The following MAP3K15 variants were observed in gnomAD, a reference collection of about 807,000 sequenced individuals.
The protein encoded by MAP3K15 is mitogen-activated protein kinase kinase kinase 15, also known as MAPK/ERK kinase kinase 15.
MAP3K15 carries 124 observed loss-of-function variants against 99.5 expected under a neutral mutation model. The observed-to-expected ratio is 1.25, with a 90% CI of 1.08 to 1.45. The LOEUF is 1.45. Ranked by LOEUF, MAP3K15 falls within the 40% of genes most tolerant of loss-of-function variation. The probability of loss-of-function intolerance (pLI) is 0.00; values close to 1 mark genes in which losing one functional copy is unlikely to be tolerated. For missense variants in MAP3K15, 1,242 were observed against 1,079.7 expected (o/e 1.15, Z -2.11); for synonymous variants, 494 against 439.6 (o/e 1.12, Z -1.55).
intron 21 of MAP3K15, chrX:19,373,271 C>G: frequency 3.2e-6 from 1 of 315,961 alleles, no homozygotes; most frequent in Non-Finnish European, 5.3e-6. Context: ...GGGGAAGTGT[C>G]GAAGGAGAGG....
At chrX:19,488,371 G>C (rs1602347105) in intron 2 of MAP3K15, among the ~76,000 whole-genome samples, 1 of 112,043 alleles carries the variant, frequency 8.9e-6, no homozygotes, top group Middle Eastern at 4.6e-3. Context: ...AAGACTAATT[G>C]TGTCTATACT....
At chrX:19,413,217 T>G in intron 11 of MAP3K15, 140 bp downstream of exon 11, 1 of 462,675 alleles carries the variant, frequency 2.2e-6, no homozygotes, top group Non-Finnish European at 3.7e-6. Flanking sequence ...AAAAACCTAC[T>G]GTCTCTCATC....
In MAP3K15 at chrX:19,392,468, G is replaced by A; in HGVS notation, c.2200C>T (p.Leu734Phe). The A allele has an allele frequency of 8.3e-7, 1 of 1,205,165 alleles. No individual in the cohort carries two copies. Among genetic ancestry groups the A allele is most frequent in the Admixed American group, 2.2e-5 (1 of 44,499 alleles). The change falls in exon 17 of 29, where the codon CTT (leucine) becomes TTT (phenylalanine). Residue 734 changes from leucine to phenylalanine, a missense_variant. Coordinates refer to ENST00000338883, the MANE Select transcript of MAP3K15 (RefSeq NM_001001671.4). The stretch of plus-strand genomic sequence containing the variant: ...CATTTGGATCGCAGAAGAGCAGAAA[G>A]GCTTCCTAGAGACAGTCACAGCAAA... ...IFMEQVPGGS[L>F]SALLRSKWGP...
Position 19,505,746 on chromosome X carries a change from T to TC in MAP3K15, c.361+9154dup, listed in dbSNP as rs1411679594. 1.3e-4 allele frequency among the ~76,000 whole-genome samples: 14 copies of TC among 107,999 alleles called. 1 individual carries two copies. In the East Asian group the frequency reaches 4.1e-3, roughly 31 times the overall value. 93.8% of individuals were successfully genotyped at this position (107,999 alleles called of 115,157 possible). A position where few individuals can be genotyped will look rare whatever the true frequency, so the allele number is the denominator to read the frequency against. On this transcript the variant is annotated intron_variant, in intron 1 of 28. Coordinates refer to ENST00000338883, the MANE Select transcript of MAP3K15 (RefSeq NM_001001671.4). ...AATAACTACGAGCATAAATCTCTTT[T>TC]CTTTTTTTTTTTTTTTTGAGATGGA...
chrX:19,476,182 T>C (rs746300931), intron 3 of MAP3K15, among the ~76,000 whole-genome samples: 1 of 112,209 alleles, frequency 8.9e-6, no homozygotes, highest in Admixed American at 9.5e-5. Context: ...AATGGCCAAG[T>C]GAGAAGAGGG....
chrX:19,391,705 A>G (rs1466345122), intron 18 of MAP3K15, among the ~76,000 whole-genome samples: 1 of 108,878 alleles, frequency 9.2e-6, no homozygotes, highest in Non-Finnish European at 1.9e-5. Context: ...AAGAAAGAAA[A>G]AAAGAAAAAA....
intron 1 of MAP3K15, among the ~76,000 whole-genome samples, chrX:19,491,178 T>C (rs985744474): frequency 9.0e-6 from 1 of 111,731 alleles, no homozygotes; most frequent in African/African-American, 3.3e-5. Context: ...GGGCCCTTTA[T>C]TCTCTTATTT....
At chrX:19,451,287 AAAAAAAAAG>A (rs1333435528) in intron 6 of MAP3K15, among the ~76,000 whole-genome samples, 2 of 95,152 alleles carry the variant, frequency 2.1e-5, no homozygotes, top group African/African-American at 4.9e-5. Flanking sequence ...TCCAAAAAAA[AAAAAAAAAG>A]AAGAAGATCA....
chrX:19,432,905 T>G (rs2063894943), intron 6 of MAP3K15, among the ~76,000 whole-genome samples: 1 of 111,089 alleles, frequency 9.0e-6, no homozygotes, highest in African/African-American at 3.3e-5. Context: ...TTAATAGAGG[T>G]TTCACCATGT....
At chrX:19,374,995 G>A (rs902695422) in intron 19 of MAP3K15, among the ~76,000 whole-genome samples, 2 of 110,800 alleles carry the variant, frequency 1.8e-5, no homozygotes, top group African/African-American at 3.3e-5. Flanking sequence ...GTACGACCCC[G>A]TGGAGAGGAC....
chrX:19,384,601 G>A (rs1474008694), intron 18 of MAP3K15, among the ~76,000 whole-genome samples: 1 of 107,803 alleles, frequency 9.3e-6, no homozygotes, highest in African/African-American at 3.4e-5. Flanking sequence ...AAATTAGTCA[G>A]GGTTGGTGGT....
chrX:19,405,141 A>T (rs1215026081), intron 13 of MAP3K15, among the ~76,000 whole-genome samples: 1 of 111,457 alleles, frequency 9.0e-6, no homozygotes, highest in Non-Finnish European at 1.9e-5. Flanking sequence ...ATAGAGAAAA[A>T]ATATATCACA....
At chrX:19,413,531 G>A in intron 10 of MAP3K15, 67 bp from the exon 11 acceptor site, 1 of 806,016 alleles carries the variant, frequency 1.2e-6, no homozygotes, top group Admixed American at 2.6e-5. Flanking sequence ...GCCCAGCGAG[G>A]AGGCGGGGAG....
intron 2 of MAP3K15, 137 bp downstream of exon 2, chrX:19,488,691 C>T: frequency 1.7e-6 from 1 of 581,039 alleles, no homozygotes; most frequent in Non-Finnish European, 2.7e-6. Context: ...GAACTAGAAT[C>T]TGTGGTGGGA....
At chrX:19,421,185 T>C (rs752310479) in intron 9 of MAP3K15, among the ~76,000 whole-genome samples, 14 of 110,330 alleles carry the variant, frequency 1.3e-4, no homozygotes, top group South Asian at 1.2e-3. Context: ...CTGGCCAGGG[T>C]AATCAGGCAG....
chrX:19,442,473 T>C (rs756442932), intron 6 of MAP3K15, among the ~76,000 whole-genome samples: 8 of 109,571 alleles, frequency 7.3e-5, no homozygotes, highest in Middle Eastern at 4.7e-3. Flanking sequence ...CTTCTAATAC[T>C]ATACCACAGT....
chrX:19,404,474 AT>A (rs1039358025), intron 13 of MAP3K15, among the ~76,000 whole-genome samples: 4 of 111,935 alleles, frequency 3.6e-5, no homozygotes, highest in Non-Finnish European at 7.5e-5. Flanking sequence ...CCTAGCTGCC[AT>A]TTTTCTACAG....
At chrX:19,368,194 G>A (rs1466903280) in intron 25 of MAP3K15, among the ~76,000 whole-genome samples, 1 of 111,306 alleles carries the variant, frequency 9.0e-6, no homozygotes, top group Non-Finnish European at 1.9e-5. Flanking sequence ...CCAGGCTAGA[G>A]TGCAATGGCA....
chrX:19,398,176 C>T, intron 15 of MAP3K15, 50 bp downstream of exon 15: 1 of 1,198,033 alleles, frequency 8.3e-7, no homozygotes, highest in Non-Finnish European at 1.1e-6. Flanking sequence ...GGTATGGGAT[C>T]TGGGGTGTGG....
Sources: allele counts gnomAD v4.1 joint callset (sites outside exome capture counted in the v4.1 genomes callset), GRCh38; gene constraint gnomAD v4.1.1; transcripts MANE v1.5; gene names NCBI Gene and HGNC (gene_info 2026-07-23, HGNC 2026-07-21).